The following DIP2A variants were observed in gnomAD, a reference collection of about 807,000 sequenced individuals.
DIP2A encodes the protein disco-interacting protein 2 homolog A.
Under a neutral mutation model 177.4 loss-of-function variants are expected in DIP2A, and 85 were observed. The ratio of observed to expected loss-of-function variants is 0.48; its 90% confidence interval spans 0.40 to 0.57. DIP2A has a LOEUF of 0.57. Ranked by LOEUF, DIP2A falls within the 20% of genes least tolerant of loss-of-function variation. The pLI is 0.00. For synonymous variants in DIP2A, 886 were observed against 881.8 expected (o/e 1.00, Z -0.08); for missense variants, 1,791 against 2,100.2 (o/e 0.85, Z 2.88).
chr21:46,546,850 A>G lies in DIP2A; in HGVS notation c.2395-65A>G, dbSNP rs578017470. On this transcript the variant is annotated intron_variant, in intron 20 of 37. Coordinates refer to ENST00000417564, the MANE Select transcript of DIP2A (RefSeq NM_015151.4). ...TGGCCCCTTCTTGGGGGGCCTGACC[A>G]TGGTCCTGGCGCATCCAGCTTCTGC... 233 of 1,584,554 alleles carry G rather than the reference A, an allele frequency of 1.5e-4. No individual in the cohort carries two copies. The African/African-American group carries it at 3.0e-3, about 20-fold the overall frequency.
chr21:46,471,145 C>T (rs547396779), intron 1 of DIP2A, among the ~76,000 whole-genome samples: 25 of 152,234 alleles, frequency 1.6e-4, no homozygotes, highest in Admixed American at 7.9e-4. Context: ...AGCTATCCTC[C>T]GCTTTAGCCT....
chr21:46,533,891 G>A, intron 11 of DIP2A, 113 bp from the exon 12 acceptor site: 1 of 1,021,360 alleles, frequency 9.8e-7, no homozygotes, highest in Non-Finnish European at 1.4e-6. Flanking sequence ...ACTAAAACTT[G>A]CACTCCTTAT....
chr21:46,534,915 G>C (rs1382301465), intron 13 of DIP2A, among the ~76,000 whole-genome samples: 2 of 152,166 alleles, frequency 1.3e-5, no homozygotes, highest in Non-Finnish European at 2.9e-5. Context: ...GCAGAGTCCA[G>C]ACAACCCCAT....
At chr21:46,480,641 T>C (rs1316778926) in intron 1 of DIP2A, among the ~76,000 whole-genome samples, 3 of 152,158 alleles carry the variant, frequency 2.0e-5, no homozygotes, top group African/African-American at 7.2e-5. Context: ...AGTGGACTCT[T>C]TGGACCCGTT....
chr21:46,558,195 G>A (rs779869155), intron 31 of DIP2A, 28 bp from the exon 32 acceptor site: 45 of 1,593,348 alleles, frequency 2.8e-5, no homozygotes, highest in Middle Eastern at 1.9e-4. Context: ...AGCTGTGGCC[G>A]TGGCCTGACC....
chr21:46,557,566 C>A lies in DIP2A; in HGVS notation c.3630-19C>A, dbSNP rs762536955. 6.3e-7 allele frequency: 1 copy of A among 1,594,256 alleles called. No homozygotes were observed. The highest frequency in any genetic ancestry group is 1.1e-5 in the South Asian group (1 of 90,364). ...TGCTGGGTGGGCGGGCGGAGCCTCA[C>A]GAGCCTTCCCTCTCGCAGTGTCTAC... On this transcript the variant is annotated intron_variant, in intron 30 of 37. Coordinates refer to ENST00000417564, the MANE Select transcript of DIP2A (RefSeq NM_015151.4). The surrounding 1 kb of genome is among the most constrained non-coding windows in gnomAD (Gnocchi z 6.0).
In DIP2A at chr21:46,498,804, T is replaced by A; in HGVS notation, c.626T>A (p.Leu209His). 1.2e-6 allele frequency: 2 copies of A among 1,613,488 alleles called. No individual in the cohort carries two copies. The highest frequency in any genetic ancestry group is 1.7e-6 in the Non-Finnish European group (2 of 1,179,746). ...CCGGGGGCCGCCGCTACCACTGCAC[T>A]CGCAGGCCTCGAGGCCCACACCCAC... is the stretch of plus-strand genomic sequence containing the variant. ...ATPGAAATTA[L>H]AGLEAHTHID... Residue 209 changes from leucine (L) to histidine (H), a missense_variant, in exon 5 of 38, where the codon CTC becomes CAC. Coordinates refer to ENST00000417564, the MANE Select transcript of DIP2A (RefSeq NM_015151.4). This position sits in a 1 kb window ranked among gnomAD's most constrained non-coding sequence, Gnocchi z 4.3.
At chr21:46,509,479 A>G (rs1486341082) in intron 7 of DIP2A, 103 bp downstream of exon 7, 1 of 1,366,148 alleles carries the variant, frequency 7.3e-7, no homozygotes, top group African/African-American at 1.5e-5. Context: ...ATTGCTATAT[A>G]TATTCTGTTT....
downstream of DIP2A, among the ~76,000 whole-genome samples, chr21:46,571,721 A>G (rs2060969767): frequency 6.6e-6 from 1 of 152,200 alleles, no homozygotes; most frequent in African/African-American, 2.4e-5. Flanking sequence ...GGTGTATAAG[A>G]ATGCTTGTGA....
chr21:46,459,635 C>T (rs2054117402), intron 1 of DIP2A, among the ~76,000 whole-genome samples: 1 of 147,478 alleles, frequency 6.8e-6, no homozygotes, highest in African/African-American at 2.5e-5. Flanking sequence ...CTCCGGACTC[C>T]CGACCCTCAG....
rs1234896354 is a variant in DIP2A at position 46,490,611 on chromosome 21, T to C, written c.175T>C (p.Ser59Pro). The C allele has an allele frequency of 6.4e-7, 1 of 1,568,742 alleles. No homozygotes were observed. The highest frequency in any genetic ancestry group is 1.9e-5 in the Admixed American group (1 of 52,604). ...AAATTGTGTTTCAGGAATAGACCCA[T>C]CTCTGCAAGCAGAGAATAGAATTCC... ...YIPLIQGIDP[S>P]LQAENRIPGP... Residue 59 changes from serine to proline, a missense_variant, in exon 3 of 38, where the codon TCT becomes CCT. Transcript: ENST00000417564.
chr21:46,554,340 T>TCCTATCCTAAGCAGCCC (rs1569101562), intron 26 of DIP2A, 48 bp downstream of exon 26: 1 of 1,607,496 alleles, frequency 6.2e-7, no homozygotes, highest in Non-Finnish European at 8.5e-7. Flanking sequence ...GTAAGCAGCC[T>TCCTATCCTAAGCAGCCC]CCTATCCTAA....
intron 18 of DIP2A, among the ~76,000 whole-genome samples, chr21:46,544,104 T>C (rs186633973): frequency 6.6e-6 from 1 of 152,124 alleles, no homozygotes; most frequent in Admixed American, 6.5e-5. Context: ...TCTCATGCTT[T>C]TGTGTGAGGC....
At chr21:46,517,054 CTTTTTT>C (rs71318086) in intron 8 of DIP2A, among the ~76,000 whole-genome samples, 3 of 60,826 alleles carry the variant, frequency 4.9e-5, no homozygotes, top group African/African-American at 7.1e-5. Flanking sequence ...TTTTCTCTCT[CTTTTTT>C]TTTTTTTTTT....
intron 8 of DIP2A, among the ~76,000 whole-genome samples, chr21:46,514,599 A>G (rs1373358631): frequency 7.5e-6 from 1 of 132,744 alleles, no homozygotes; most frequent in Non-Finnish European, 1.6e-5. Context: ...TGTCCTTTCC[A>G]ATACTTAAAC....
At position 46,509,345 on chromosome 21, in the gene DIP2A, C is replaced by A; in HGVS notation, c.873C>A (p.Phe291Leu). 6.2e-7 allele frequency: 1 copy of A among 1,612,576 alleles called. No individual in the cohort carries two copies. Among genetic ancestry groups the A allele is most frequent in the Non-Finnish European group, 8.5e-7 (1 of 1,179,442 alleles). The stretch of plus-strand genomic sequence containing the variant: ...CAAAGCGCCCTCCACTGAAGGAGTT[C>A]TTTGTGGATGATTTTGAGGAATTGT... ...KRPKRPPLKEFFVDDFEELLE... is the reference protein window; with the variant it reads ...KRPKRPPLKELFVDDFEELLE... The change falls in exon 7 of 38, where the codon TTC (phenylalanine) becomes TTA (leucine). Residue 291 changes from phenylalanine (F) to leucine (L), a missense_variant. By Grantham distance (22) the Phe-to-Leu change is conservative. Transcript: ENST00000417564.
intron 3 of DIP2A, among the ~76,000 whole-genome samples, chr21:46,492,775 T>C (rs2057089865): frequency 6.6e-6 from 1 of 152,164 alleles, no homozygotes; most frequent in Non-Finnish European, 1.5e-5. Context: ...ACCCCATCTC[T>C]ACTAAAAATA....
rs141688264 is a variant in DIP2A at position 46,473,674 on chromosome 21, C to T, written c.92-11083C>T. Among the ~76,000 whole-genome samples, 505 of 152,158 alleles carry T rather than the reference C, an allele frequency of 3.3e-3. 6 individuals are homozygous for T. In the Middle Eastern group the frequency reaches 0.034, roughly 10 times the overall value. On this transcript the variant is annotated intron_variant, in intron 1 of 37. Coordinates refer to ENST00000417564, the MANE Select transcript of DIP2A (RefSeq NM_015151.4). ...GGGATTACAGGCGTGTGCCACCACG[C>T]CCGGCTAATTTTTGTATTTTTAGTA...
chr21:46,503,339 A>AAAG (rs2057761388), intron 5 of DIP2A, among the ~76,000 whole-genome samples: 1 of 151,894 alleles, frequency 6.6e-6, no homozygotes, highest in Non-Finnish European at 1.5e-5. Context: ...AAAAAAAAAA[A>AAAG]AAAAGGAACT....
Sources: gnomAD v4.1 joint callset for allele counts (sites outside exome capture counted in the v4.1 genomes callset) on GRCh38, gnomAD v4.1.1 for gene constraint, Gnocchi (gnomAD v3.1) non-coding constraint, MANE v1.5 for transcripts, NCBI Gene and HGNC (gene_info 2026-07-23, HGNC 2026-07-21) for gene names.